Variants in APOO observed in about 807,000 individuals in gnomAD.
APOO encodes the protein apolipoprotein O.
A neutral mutation model predicts 23.1 loss-of-function variants in APOO; 11 were observed. The ratio of observed to expected loss-of-function variants is 0.48; its 90% confidence interval spans 0.30 to 0.79. The LOEUF (loss-of-function observed/expected upper bound fraction) is 0.79, where lower values mean the gene tolerates loss of function less well. Ranked by LOEUF, APOO falls within the 30% of genes least tolerant of loss-of-function variation. The probability of loss-of-function intolerance (pLI) is 0.07; values close to 1 mark genes in which losing one functional copy is unlikely to be tolerated. For missense variants in APOO, 160 were observed against 142.7 expected (o/e 1.12, Z -0.62); for synonymous variants, 59 against 54.8 (o/e 1.08, Z -0.34).
chrX:23,870,510 G>A (rs1433415651), intron 4 of APOO, among the ~76,000 whole-genome samples: 1 of 111,868 alleles, frequency 8.9e-6, no homozygotes, highest in African/African-American at 3.2e-5. Context: ...TGATGGCTGG[G>A]TGTAGTGGTT....
chrX:23,862,175 T>C (rs1344746366), intron 5 of APOO, among the ~76,000 whole-genome samples: 1 of 110,089 alleles, frequency 9.1e-6, no homozygotes, highest in South Asian at 3.8e-4. Flanking sequence ...GCCTGAAACA[T>C]AAAGGAGAAA....
At chrX:23,833,702 C>A (rs1341159800) in intron 8 of APOO, 90 bp from the exon 9 acceptor site, 1 of 112,538 alleles carries the variant, frequency 8.9e-6, no homozygotes, top group Non-Finnish European at 1.9e-5. Context: ...AGAAACCAGG[C>A]CAGGCGCGGT....
At chrX:23,834,544 A>C (rs1173110656) in intron 8 of APOO, among the ~76,000 whole-genome samples, 1 of 110,916 alleles carries the variant, frequency 9.0e-6, no homozygotes, top group Admixed American at 9.8e-5. Flanking sequence ...CACAGTACAC[A>C]TCACATCTGA....
chrX:23,856,344 T>C lies in APOO; in HGVS notation c.519A>G (p.Gly173=). ...GERLYDWGLR[G]YIVIEDLWKE... ...TCCACAAATCTTCTATGACTATATATCCTCGTAAACCCCAGTCATATAATC... is the reference window on the plus strand; with the variant it reads ...TCCACAAATCTTCTATGACTATATACCCTCGTAAACCCCAGTCATATAATC... The change falls in exon 7 of 9, where the codon GGA becomes GGG. Residue 173 remains glycine (G), a synonymous_variant. Coordinates refer to ENST00000379226, the MANE Select transcript of APOO (RefSeq NM_024122.5). 1 of 1,210,450 alleles carries C rather than the reference T, an allele frequency of 8.3e-7. No individual in the cohort carries two copies. Among genetic ancestry groups the C allele is most frequent in the Non-Finnish European group, 1.1e-6 (1 of 894,929 alleles).
intron 7 of APOO, among the ~76,000 whole-genome samples, chrX:23,851,342 G>A (rs1182861839): frequency 4.5e-5 from 5 of 111,041 alleles, no homozygotes; most frequent in Non-Finnish European, 9.4e-5. Context: ...ACAGGCACCT[G>A]CCACCATGCC....
intron 8 of APOO, among the ~76,000 whole-genome samples, chrX:23,836,556 G>A (rs180890323): frequency 3.8e-3 from 416 of 108,998 alleles, no homozygotes; most frequent in Middle Eastern, 0.029. Context: ...CTCATGATCC[G>A]CCCACCTCAG....
At chrX:23,904,973 T>C (rs1273491262) in intron 1 of APOO, among the ~76,000 whole-genome samples, 1 of 111,517 alleles carries the variant, frequency 9.0e-6, no homozygotes, top group Non-Finnish European at 1.9e-5. Flanking sequence ...ACATCACTCT[T>C]TTCTGCTCCT....
At chrX:23,843,740 C>T (rs1456396606) in intron 7 of APOO, among the ~76,000 whole-genome samples, 1 of 109,302 alleles carries the variant, frequency 9.1e-6, no homozygotes, top group Non-Finnish European at 1.9e-5. Flanking sequence ...CCCACTACTA[C>T]ACCCAGCTAA....
At chrX:23,864,682 C>T (rs1601907245) in intron 5 of APOO, among the ~76,000 whole-genome samples, 1 of 112,065 alleles carries the variant, frequency 8.9e-6, no homozygotes, top group African/African-American at 3.2e-5. Context: ...CAGAGAAATC[C>T]CCAACGATGG....
At chrX:23,838,415 G>T (rs765504320) in intron 8 of APOO, among the ~76,000 whole-genome samples, 2 of 101,035 alleles carry the variant, frequency 2.0e-5, no homozygotes, top group African/African-American at 7.5e-5. Flanking sequence ...GATAAGACAA[G>T]CTTTTTTGTT....
intron 1 of APOO, among the ~76,000 whole-genome samples, chrX:23,889,863 G>A (rs912558564): frequency 4.6e-5 from 5 of 109,452 alleles, no homozygotes; most frequent in South Asian, 3.9e-4. Flanking sequence ...GGGTTTCACT[G>A]TGTTAGCCAG....
At chrX:23,893,261 CAAAA>C (rs749472447) in intron 1 of APOO, among the ~76,000 whole-genome samples, 1 of 74,130 alleles carries the variant, frequency 1.3e-5, no homozygotes. Flanking sequence ...ACTAAAAATA[CAAAA>C]AAAAAAAAAA....
At chrX:23,868,160 TA>T (rs1925429583) in intron 5 of APOO, among the ~76,000 whole-genome samples, 1 of 112,377 alleles carries the variant, frequency 8.9e-6, no homozygotes, top group African/African-American at 3.2e-5. Flanking sequence ...TGTTAGTATT[TA>T]AAGCATTTTT....
chrX:23,897,677 A>C (rs750093645), intron 1 of APOO, among the ~76,000 whole-genome samples: 1 of 111,593 alleles, frequency 9.0e-6, no homozygotes, highest in African/African-American at 3.3e-5. Context: ...TTAATAGGAG[A>C]GCTAGTCTGT....
chrX:23,868,525 A>G (rs1925443418), intron 5 of APOO, 68 bp downstream of exon 5: 23 of 916,421 alleles, frequency 2.5e-5, no homozygotes, highest in Non-Finnish European at 3.5e-5. Context: ...AAATGAAGGG[A>G]AAGAATGAAA....
intron 5 of APOO, among the ~76,000 whole-genome samples, chrX:23,867,581 C>T (rs973612038): frequency 1.3e-4 from 14 of 111,331 alleles, no homozygotes; most frequent in African/African-American, 4.2e-4. Context: ...CTCGCACTGT[C>T]GCCCAGGCTG....
In APOO at chrX:23,868,664, G is replaced by A; in HGVS notation, c.317C>T (p.Ala106Val). 1 of 1,207,919 alleles carries A rather than the reference G, an allele frequency of 8.3e-7. No individual in the cohort carries two copies. The highest frequency in any genetic ancestry group is 2.5e-4 in the Middle Eastern group (1 of 3,983). The change falls in exon 5 of 9, where the codon GCA becomes GTA. Residue 106 changes from alanine to valine, a missense_variant. Transcript: ENST00000379226. ...AAGTCTCGGAAAAAATCCAGGAGGT[G>A]CATTTTGGAGATAGTCATAGCTGTC... is the stretch of plus-strand genomic sequence containing the variant. Reference protein sequence around the residue: ...GLDSYDYLQNAPPGFFPRLGV... With the variant: ...GLDSYDYLQNVPPGFFPRLGV...
At position 23,858,714 on chromosome X, in the gene APOO, T is replaced by C; in HGVS notation, c.408A>G (p.Leu136=). 10 of 1,209,583 alleles carry C rather than the reference T, an allele frequency of 8.3e-6. No homozygotes were observed. Among genetic ancestry groups the C allele is most frequent in the Non-Finnish European group, 1.1e-5 (10 of 893,996 alleles). The change falls in exon 6 of 9, where the codon CTA becomes CTG. Residue 136 remains leucine (L), a synonymous_variant. Transcript: ENST00000379226. ...ATCCCATGAAACCAGGCGGATACACTAGCTTCTTTATTTTTGAACCTGATA... is the reference window on the plus strand; with the variant it reads ...ATCCCATGAAACCAGGCGGATACACCAGCTTCTTTATTTTTGAACCTGATA... ...LLARGSKIKK[L]VYPPGFMGLA... is the part of the protein sequence containing the mutation.
At chrX:23,861,129 ATGT>A (rs891409113) in intron 5 of APOO, among the ~76,000 whole-genome samples, 6 of 110,531 alleles carry the variant, frequency 5.4e-5, no homozygotes, top group African/African-American at 2.0e-4. Flanking sequence ...GATAATTTGG[ATGT>A]TGTTCTCTCT....
Sources: allele counts gnomAD v4.1 joint callset (sites outside exome capture counted in the v4.1 genomes callset), GRCh38; gene constraint gnomAD v4.1.1; transcripts MANE v1.5; gene names NCBI Gene and HGNC (gene_info 2026-07-23, HGNC 2026-07-21).